The following MTHFD2L variants were observed in gnomAD, a reference collection of about 807,000 sequenced individuals.
The protein encoded by MTHFD2L is methylenetetrahydrofolate dehydrogenase (NADP+ dependent) 2 like.
MTHFD2L carries 29 observed loss-of-function variants against 34.9 expected under a neutral mutation model. That is an observed-to-expected ratio of 0.83 (90% CI 0.62 to 1.13). MTHFD2L has a LOEUF of 1.13. Ranked by LOEUF, MTHFD2L falls within the 50% of genes most tolerant of loss-of-function variation. The pLI, the probability that MTHFD2L is intolerant of heterozygous loss-of-function variation, is 0.00. For missense variants in MTHFD2L, 481 were observed against 446.5 expected, an observed-to-expected ratio of 1.08 and a Z score of -0.70; for synonymous variants, 167 against 155.7, an observed-to-expected ratio of 1.07 and a Z score of -0.54.
At chr4:74,192,837 G>C (rs903387642) in intron 3 of MTHFD2L, among the ~76,000 whole-genome samples, 1 of 151,390 alleles carries the variant, frequency 6.6e-6, no homozygotes, top group African/African-American at 2.4e-5. Flanking sequence ...TTATATATCT[G>C]GTTACAAGTT....
intron 7 of MTHFD2L, among the ~76,000 whole-genome samples, chr4:74,290,665 C>T (rs954151487): frequency 6.6e-5 from 10 of 151,272 alleles, no homozygotes; most frequent in African/African-American, 1.7e-4. Context: ...TGTGTGTACG[C>T]GCGAGGGTAC....
intron 3 of MTHFD2L, chr4:74,195,254 G>C (rs1733271966): frequency 6.6e-6 from 1 of 152,202 alleles, no homozygotes; most frequent in African/African-American, 2.4e-5. Context: ...AGCCTTGTTT[G>C]CAATTTTTAA....
intron 3 of MTHFD2L, among the ~76,000 whole-genome samples, chr4:74,186,992 A>G (rs1379688787): frequency 2.0e-5 from 3 of 152,224 alleles, no homozygotes; most frequent in Non-Finnish European, 4.4e-5. Flanking sequence ...GAAAGTCCAG[A>G]AAGAGATTCA....
At chr4:74,272,427 C>G (rs932136387) in intron 6 of MTHFD2L, among the ~76,000 whole-genome samples, 1 of 152,058 alleles carries the variant, frequency 6.6e-6, no homozygotes, top group African/African-American at 2.4e-5. Flanking sequence ...AGAAATTTCT[C>G]CTTGTGAATT....
At chr4:74,187,065 C>T (rs1489894490) in intron 3 of MTHFD2L, among the ~76,000 whole-genome samples, 3 of 152,042 alleles carry the variant, frequency 2.0e-5, no homozygotes, top group South Asian at 2.1e-4. Context: ...GAAAAGAATG[C>T]GATTTTCAAC....
At chr4:74,238,918 A>T (rs575316698) in intron 6 of MTHFD2L, among the ~76,000 whole-genome samples, 29 of 152,342 alleles carry the variant, frequency 1.9e-4, no homozygotes, top group African/African-American at 7.0e-4. Context: ...ATTGTGGAAG[A>T]CAGTATGGTG....
At chr4:74,285,870 C>G (rs555262898) in intron 7 of MTHFD2L, among the ~76,000 whole-genome samples, 3 of 152,094 alleles carry the variant, frequency 2.0e-5, no homozygotes, top group African/African-American at 4.8e-5. Context: ...ATAATCACTT[C>G]TACATGATTA....
At chr4:74,267,976 G>A (rs1350219123) in intron 6 of MTHFD2L, 4 of 985,198 alleles carry the variant, frequency 4.1e-6, no homozygotes, top group Non-Finnish European at 3.6e-6. Flanking sequence ...AAGCTTTGGG[G>A]GCATTCAGAT....
chr4:74,268,408 G>C (rs1020911809), intron 6 of MTHFD2L, among the ~76,000 whole-genome samples: 2 of 151,810 alleles, frequency 1.3e-5, no homozygotes, highest in South Asian at 2.1e-4. Flanking sequence ...TTATATCTGA[G>C]TTAGAGTTCT....
intron 6 of MTHFD2L, among the ~76,000 whole-genome samples, chr4:74,271,101 T>C (rs1745923937): frequency 6.6e-6 from 1 of 152,180 alleles, no homozygotes; most frequent in South Asian, 2.1e-4. Flanking sequence ...ACTGCAAAAA[T>C]ATTCTCCCAT....
At position 74,293,854 on chromosome 4, in the gene MTHFD2L, G is replaced by T. The variant is rs569218067; in HGVS notation, c.932-7843G>T. 3.9e-5 allele frequency among the ~76,000 whole-genome samples: 6 copies of T among 152,234 alleles called. No homozygotes were observed. In the East Asian group the frequency reaches 1.2e-3, roughly 29 times the overall value. ...TTAGAGTGGATGTTTGAGAGGCCAC[G>T]CTTAAGTGGCTTGCATTTAGAAGCA... On this transcript the variant is annotated intron_variant, in intron 7 of 7. Transcript: ENST00000325278.
At position 74,186,615 on chromosome 4, in the gene MTHFD2L, T is replaced by A. The variant is rs145012870; in HGVS notation, c.451+11212T>A. 6.0e-3 allele frequency among the ~76,000 whole-genome samples: 912 copies of A among 152,078 alleles called. 10 individuals carry two copies. Among genetic ancestry groups the A allele is most frequent in the African/African-American group, 0.021 (870 of 41,532 alleles). On this transcript the variant is annotated intron_variant, in intron 3 of 7. Coordinates refer to ENST00000325278, the MANE Select transcript of MTHFD2L (RefSeq NM_001144978.3). ...AAAATATGAAATCCTTAGGCATAAA[T>A]TTGACAAAAGATGGGGAAAACCTAT...
intron 6 of MTHFD2L, among the ~76,000 whole-genome samples, chr4:74,277,376 A>G (rs1446756685): frequency 6.6e-6 from 1 of 152,036 alleles, no homozygotes; most frequent in Non-Finnish European, 1.5e-5. Context: ...GGAGGAGGAC[A>G]TAGCCTAGGT....
At chr4:74,295,848 G>A (rs1749565180) in intron 7 of MTHFD2L, among the ~76,000 whole-genome samples, 1 of 152,114 alleles carries the variant, frequency 6.6e-6, no homozygotes, top group East Asian at 1.9e-4. Flanking sequence ...CCCCTACACT[G>A]TCTATTCTAC....
In MTHFD2L at chr4:74,185,589, G is replaced by A. The variant is rs149733798; in HGVS notation, c.451+10186G>A. 1.5e-4 allele frequency among the ~76,000 whole-genome samples: 23 copies of A among 152,198 alleles called. No homozygotes were observed. The East Asian group carries it at 4.2e-3, about 28-fold the overall frequency. ...ACAACTGACCAATACCAGGACTTAG[G>A]GTGGTAATATCACTACAGATTCTAC... is the stretch of plus-strand genomic sequence containing the variant. On this transcript the variant is annotated intron_variant, in intron 3 of 7. Coordinates refer to ENST00000325278, the MANE Select transcript of MTHFD2L (RefSeq NM_001144978.3).
At chr4:74,141,377 A>G (rs181211839) in intron 1 of MTHFD2L, among the ~76,000 whole-genome samples, 378 of 152,352 alleles carry the variant, frequency 2.5e-3, no homozygotes, top group Middle Eastern at 0.014. Context: ...TGCTAGAGAA[A>G]GTCAGGCCTG....
At chr4:74,139,172 T>C (rs1025370383) in intron 1 of MTHFD2L, among the ~76,000 whole-genome samples, 2 of 152,178 alleles carry the variant, frequency 1.3e-5, no homozygotes, top group East Asian at 1.9e-4. Flanking sequence ...CACTGTCTCT[T>C]ATTTGGCAGT....
chr4:74,212,222 T>A (rs991122062), intron 5 of MTHFD2L, among the ~76,000 whole-genome samples: 3 of 152,196 alleles, frequency 2.0e-5, no homozygotes, highest in Non-Finnish European at 4.4e-5. Context: ...TAGTTATTTC[T>A]TGTCTTCTGC....
chr4:74,184,734 A>G (rs752685278), intron 3 of MTHFD2L, among the ~76,000 whole-genome samples: 2 of 152,186 alleles, frequency 1.3e-5, no homozygotes, highest in Non-Finnish European at 2.9e-5. Context: ...AAGTTAATGT[A>G]GAATATTTAC....
Sources: gnomAD v4.1 joint callset for allele counts (sites outside exome capture counted in the v4.1 genomes callset) on GRCh38, gnomAD v4.1.1 for gene constraint, MANE v1.5 for transcripts, NCBI Gene and HGNC (gene_info 2026-07-23, HGNC 2026-07-21) for gene names.